The following MICAL2 variants were observed in gnomAD, a reference collection of about 807,000 sequenced individuals.
MICAL2 encodes the protein microtubule associated monooxygenase, calponin and LIM domain containing 2, also known as [F-actin]-monooxygenase MICAL2.
Under a neutral mutation model 127.3 loss-of-function variants are expected in MICAL2, and 77 were observed. That is an observed-to-expected ratio of 0.60 (90% confidence interval 0.50 to 0.73). The LOEUF (loss-of-function observed/expected upper bound fraction) is 0.73, where lower values mean the gene tolerates loss of function less well. Among genes scored for constraint, MICAL2 ranks in the 30% least tolerant of loss-of-function variants. The pLI is 0.00. For missense variants in MICAL2, 1,351 were observed against 1,434.4 expected (o/e 0.94, Z 0.94); for synonymous variants, 570 against 551.1 (o/e 1.03, Z -0.48).
At chr11:12,125,172 C>T (rs1213435921) in intron 1 of MICAL2, among the ~76,000 whole-genome samples, 9 of 152,224 alleles carry the variant, frequency 5.9e-5, no homozygotes, top group African/African-American at 1.7e-4. Context: ...CCATTTCCAT[C>T]GTATCTCTAT....
chr11:12,256,721 T>A, intron 23 of MICAL2, 64 bp from the exon 24 acceptor site: 1 of 1,440,500 alleles, frequency 6.9e-7, no homozygotes, highest in South Asian at 1.4e-5. Context: ...CTAAAAGCCT[T>A]GGCCTGGCAT....
At chr11:12,295,485 T>C (rs1863975978), downstream of MICAL2, among the ~76,000 whole-genome samples, 1 of 149,214 alleles carries the variant, frequency 6.7e-6, no homozygotes, top group African/African-American at 2.5e-5. Flanking sequence ...CAGGTCTTTC[T>C]CTGTCCCCCA....
intron 1 of MICAL2, among the ~76,000 whole-genome samples, chr11:12,122,649 T>TCTGC (rs1285404488): frequency 6.6e-6 from 1 of 152,186 alleles, no homozygotes; most frequent in Non-Finnish European, 1.5e-5. Flanking sequence ...CCTCAAGTGA[T>TCTGC]CTGCCTGCCT....
chr11:12,323,932 C>T (rs1283901491), intron 30 of MICAL2: 3 of 1,574,178 alleles, frequency 1.9e-6, no homozygotes, highest in Non-Finnish European at 2.6e-6. Flanking sequence ...TAAATTTCAA[C>T]CCCATTTTTC....
At chr11:12,204,892 G>A (rs1854479704) in intron 4 of MICAL2, among the ~76,000 whole-genome samples, 1 of 152,180 alleles carries the variant, frequency 6.6e-6, no homozygotes, top group Non-Finnish European at 1.5e-5. Flanking sequence ...TTTGGAGGAA[G>A]GGGCCACACA....
chr11:12,333,943 A>G (rs1357956276), intron 32 of MICAL2, among the ~76,000 whole-genome samples: 1 of 152,208 alleles, frequency 6.6e-6, no homozygotes, highest in Non-Finnish European at 1.5e-5. Context: ...ACAGGAAATA[A>G]GTGATTCTGA....
chr11:12,238,204 T>A (rs140203115), intron 16 of MICAL2, among the ~76,000 whole-genome samples: 50 of 152,366 alleles, frequency 3.3e-4, no homozygotes, highest in Admixed American at 5.9e-4. Context: ...ATTCCTGGTG[T>A]CCTTGGGAAA....
chr11:12,196,556 C>T (rs1018349773), intron 3 of MICAL2, among the ~76,000 whole-genome samples: 11 of 152,070 alleles, frequency 7.2e-5, no homozygotes, highest in Admixed American at 2.0e-4. Context: ...AGCAAGGGTG[C>T]CTGAGCAACT....
At chr11:12,325,634 G>T (rs1043822897) in intron 31 of MICAL2, among the ~76,000 whole-genome samples, 5 of 152,194 alleles carry the variant, frequency 3.3e-5, no homozygotes, top group Non-Finnish European at 7.3e-5. Context: ...CTTTCTGTGA[G>T]TTCACGTGAG....
chr11:12,294,717 G>A, downstream of MICAL2: 1 of 1,613,910 alleles, frequency 6.2e-7, no homozygotes, highest in Non-Finnish European at 8.5e-7. Context: ...AGCCCCAAGA[G>A]GAAGGTGCTG....
In MICAL2 at chr11:12,224,373, C is replaced by G. The variant is rs371526131; in HGVS notation, c.1541-300C>G. The G allele has an allele frequency of 1.3e-4, 43 of 339,974 alleles. 1 individual carries two copies. In the Middle Eastern group the frequency reaches 2.5e-3, roughly 20 times the overall value. 21.1% of individuals were successfully genotyped at this position (339,974 alleles called of 1,614,324 possible). A position where few individuals can be genotyped will look rare whatever the true frequency, so the allele number is the denominator to read the frequency against. ...TTGCAGCACTGTGTCATCATCACCC[C>G]CTCTGTGACTATCTTCCCCACTAGA... On this transcript the variant is annotated intron_variant, in intron 12 of 27. Coordinates refer to ENST00000683283, the MANE Select transcript of MICAL2 (RefSeq NM_001282663.2).
intron 2 of MICAL2, among the ~76,000 whole-genome samples, chr11:12,145,628 A>G (rs1171933273): frequency 6.6e-6 from 1 of 152,164 alleles, no homozygotes; most frequent in African/African-American, 2.4e-5. Flanking sequence ...TTACATCTAA[A>G]TCTTAGATCC....
At chr11:12,352,042 C>T (rs1378580151) in intron 33 of MICAL2, among the ~76,000 whole-genome samples, 2 of 152,102 alleles carry the variant, frequency 1.3e-5, no homozygotes, top group East Asian at 1.9e-4. Context: ...CCCACCTCGG[C>T]CTCCCAAAGT....
At chr11:12,155,322 A>G (rs935429388) in intron 2 of MICAL2, among the ~76,000 whole-genome samples, 17 of 152,152 alleles carry the variant, frequency 1.1e-4, no homozygotes, top group East Asian at 1.9e-4. Context: ...ATACACACAC[A>G]CGCACATATA....
At chr11:12,300,198 G>A (rs1864031844) in intron 29 of MICAL2, among the ~76,000 whole-genome samples, 1 of 152,150 alleles carries the variant, frequency 6.6e-6, no homozygotes, top group Non-Finnish European at 1.5e-5. Context: ...GGTGGTTGAG[G>A]CAGGAGAATT....
At chr11:12,295,643 C>T (rs1156982744), downstream of MICAL2, among the ~76,000 whole-genome samples, 2 of 151,946 alleles carry the variant, frequency 1.3e-5, no homozygotes, top group Non-Finnish European at 2.9e-5. Context: ...GCAGTCCTCT[C>T]ACCTTGACTT....
At chr11:12,291,955 C>G (rs567362744), downstream of MICAL2, among the ~76,000 whole-genome samples, 37 of 152,306 alleles carry the variant, frequency 2.4e-4, no homozygotes, top group African/African-American at 8.7e-4. Flanking sequence ...CTTTGCCCCA[C>G]GGGACCCTGC....
At chr11:12,140,815 C>A (rs1476569225) in intron 2 of MICAL2, among the ~76,000 whole-genome samples, 1 of 152,176 alleles carries the variant, frequency 6.6e-6, no homozygotes, top group Non-Finnish European at 1.5e-5. Context: ...ATGAATAATA[C>A]CTGTGGCCTA....
At chr11:12,309,901 G>C (rs537456790) in intron 29 of MICAL2, among the ~76,000 whole-genome samples, 1 of 152,214 alleles carries the variant, frequency 6.6e-6, no homozygotes, top group African/African-American at 2.4e-5. Flanking sequence ...TCTCATTGTG[G>C]TTCGGATTTG....
Sources: allele counts gnomAD v4.1 joint callset (sites outside exome capture counted in the v4.1 genomes callset), GRCh38; gene constraint gnomAD v4.1.1; transcripts MANE v1.5; gene names NCBI Gene and HGNC (gene_info 2026-07-23, HGNC 2026-07-21).